Variants in C5 observed in about 807,000 individuals in gnomAD.
C5 encodes the protein C3 and PZP-like alpha-2-macroglobulin domain-containing protein 4.
In C5, 140 loss-of-function variants were observed where a neutral mutation model predicts 218.8. That is an observed-to-expected ratio of 0.64 (90% CI 0.56 to 0.74). The LOEUF is 0.74. C5 is among the 30% of genes least tolerant of loss of function. The probability of loss-of-function intolerance (pLI) is 0.00; values close to 1 mark genes in which losing one functional copy is unlikely to be tolerated. For missense variants in C5, 1,700 were observed against 1,969.6 expected (o/e 0.86, Z 2.59); for synonymous variants, 614 against 682.3 (o/e 0.90, Z 1.56).
chr9:121,061,028 A>C, the C5 span, among the ~76,000 whole-genome samples: 3 of 152,114 alleles, frequency 2.0e-5, no homozygotes, highest in African/African-American at 7.2e-5. Flanking sequence ...TCTCTACTAA[A>C]AATACAAAAA....
intron 28 of C5, among the ~76,000 whole-genome samples, chr9:120,977,278 C>T (rs2046960602): frequency 6.6e-6 from 1 of 152,108 alleles, no homozygotes. Context: ...AAATTACTTT[C>T]AAGCTGTGTG....
rs2047625728 is a variant in C5 at position 121,046,206 on chromosome 9, G to A, written c.243C>T (p.Asn81=). The A allele has an allele frequency of 6.3e-7, 1 of 1,584,146 alleles. No individual in the cohort carries two copies. The highest frequency in any genetic ancestry group is 8.7e-7 in the Non-Finnish European group (1 of 1,155,522). The stretch of plus-strand genomic sequence containing the variant: ...AAATACATACTGTTAAGATTGCAGA[G>A]TTTTGGAATTTATTCTCTGAGGATA... ...VHLSSENKFQ[N]SAILTIQPKQ... Residue 81 remains asparagine (N), a synonymous_variant, in exon 2 of 41, where the codon AAC becomes AAT. Coordinates refer to ENST00000223642, the MANE Select transcript of C5 (RefSeq NM_001735.3).
At chr9:120,986,763 A>AT (rs953994277) in intron 25 of C5, among the ~76,000 whole-genome samples, 1 of 150,506 alleles carries the variant, frequency 6.6e-6, no homozygotes, top group East Asian at 1.9e-4. Context: ...CCTTTTATTT[A>AT]TTTTTTTATA....
chr9:121,024,038 T>A (rs1023529772), intron 9 of C5, among the ~76,000 whole-genome samples: 1 of 149,730 alleles, frequency 6.7e-6, no homozygotes, highest in Non-Finnish European at 1.5e-5. Context: ...TGAAACCTCA[T>A]CCCTACTAAA....
intron 12 of C5, among the ~76,000 whole-genome samples, chr9:121,018,611 AAGGAAGG>A (rs2047330628): frequency 1.3e-5 from 1 of 74,814 alleles, no homozygotes; most frequent in Non-Finnish European, 2.9e-5. Flanking sequence ...GGAAGGAAGG[AAGGAAGG>A]CAAGAAAGAA....
chr9:121,012,322 C>T (rs1304963309), intron 17 of C5, among the ~76,000 whole-genome samples: 1 of 151,958 alleles, frequency 6.6e-6, no homozygotes, highest in African/African-American at 2.4e-5. Flanking sequence ...AACATATGGA[C>T]TAGACTGTTT....
At chr9:120,976,026 C>T (rs2046950762) in intron 29 of C5, among the ~76,000 whole-genome samples, 1 of 152,086 alleles carries the variant, frequency 6.6e-6, no homozygotes, top group Non-Finnish European at 1.5e-5. Flanking sequence ...TTTCTGCTAA[C>T]CCTATAATTG....
chr9:121,062,324 C>T, the C5 span, among the ~76,000 whole-genome samples: 1 of 152,180 alleles, frequency 6.6e-6, no homozygotes, highest in Non-Finnish European at 1.5e-5. Flanking sequence ...ACATAAATAT[C>T]GTGCTGTCAG....
chr9:121,026,310 C>T (rs957777486), intron 8 of C5, among the ~76,000 whole-genome samples: 2 of 152,122 alleles, frequency 1.3e-5, no homozygotes, highest in Non-Finnish European at 1.5e-5. Context: ...AGGGAACCAG[C>T]GCCCTAATCT....
intron 38 of C5, among the ~76,000 whole-genome samples, chr9:120,959,003 T>G (rs1274050272): frequency 1.3e-5 from 2 of 151,950 alleles, no homozygotes; most frequent in Non-Finnish European, 2.9e-5. Context: ...CCCAGGCTGG[T>G]CTAGAACCCC....
At chr9:121,048,429 C>A (rs934758272) in intron 1 of C5, among the ~76,000 whole-genome samples, 8 of 152,146 alleles carry the variant, frequency 5.3e-5, no homozygotes, top group African/African-American at 1.9e-4. Flanking sequence ...ACCGCACATG[C>A]GAGGGATCTA....
At chr9:121,022,218 C>T (rs951408886) in intron 10 of C5, among the ~76,000 whole-genome samples, 1 of 151,964 alleles carries the variant, frequency 6.6e-6, no homozygotes, top group Admixed American at 6.6e-5. Context: ...ATGAGGCAAT[C>T]GCTTCTGGGA....
At chr9:121,064,574 C>A in the C5 span, among the ~76,000 whole-genome samples, 1 of 152,014 alleles carries the variant, frequency 6.6e-6, no homozygotes, top group Non-Finnish European at 1.5e-5. Context: ...TTTTTATATT[C>A]TCTCATAAAT....
intron 30 of C5, among the ~76,000 whole-genome samples, chr9:120,973,861 C>T (rs185945021): frequency 6.6e-6 from 1 of 152,184 alleles, no homozygotes; most frequent in East Asian, 1.9e-4. Context: ...CGCCTATAAT[C>T]CCGCCTGCTT....
At chr9:121,067,592 TTCC>T in the C5 span, among the ~76,000 whole-genome samples, 6 of 150,204 alleles carry the variant, frequency 4.0e-5, no homozygotes, top group East Asian at 1.2e-3. Context: ...AAGAGGAAAA[TTCC>T]TCAACATTTG....
At chr9:121,070,951 T>C in the C5 span, among the ~76,000 whole-genome samples, 3 of 152,196 alleles carry the variant, frequency 2.0e-5, no homozygotes, top group Non-Finnish European at 4.4e-5. Context: ...CCACTATACA[T>C]TTATATGTAT....
chr9:121,061,738 C>G, the C5 span, among the ~76,000 whole-genome samples: 1 of 152,192 alleles, frequency 6.6e-6, no homozygotes, highest in Non-Finnish European at 1.5e-5. Flanking sequence ...CTTGCATGTG[C>G]AATTGCCAAA....
rs1161068971 is a variant in C5, at chr9:121,017,527, AAAAAG to A, written c.1717-21_1717-17del. The A allele has an allele frequency of 3.1e-6, 5 of 1,613,294 alleles. No homozygotes were observed. Among genetic ancestry groups the A allele is most frequent in the Admixed American group, 1.7e-5 (1 of 59,996 alleles). On this transcript the variant is annotated splice_polypyrimidine_tract_variant and intron_variant, in intron 13 of 40. Transcript: ENST00000223642. The stretch of plus-strand genomic sequence containing the variant: ...ACAGATGAACCTAAAAGTTCATTTG[AAAAAG>A]AAAAGAAAAGATCATTTGTATGAGA...
At chr9:120,994,464 T>C (rs535685032) in intron 22 of C5, among the ~76,000 whole-genome samples, 30 of 151,992 alleles carry the variant, frequency 2.0e-4, no homozygotes, top group Non-Finnish European at 3.5e-4. Flanking sequence ...GTGCTTGTAA[T>C]CCCAGCTATT....
Sources: allele counts gnomAD v4.1 joint callset (sites outside exome capture counted in the v4.1 genomes callset), GRCh38; gene constraint gnomAD v4.1.1; transcripts MANE v1.5; gene names NCBI Gene and HGNC (gene_info 2026-07-23, HGNC 2026-07-21).